TCF12: variants seen among roughly 807,000 people sequenced by gnomAD.
TCF12 encodes the protein DNA-binding protein HTF4.
In TCF12, 45 loss-of-function variants were observed where a neutral mutation model predicts 86.0. That is an observed-to-expected ratio of 0.52 (90% CI 0.41 to 0.67). The LOEUF is 0.67. Among genes scored for constraint, TCF12 ranks in the 30% least tolerant of loss-of-function variants. The probability of loss-of-function intolerance (pLI) is 0.00; values close to 1 mark genes in which losing one functional copy is unlikely to be tolerated. For synonymous variants in TCF12, 330 were observed against 299.6 expected (o/e 1.10, Z -1.05); for missense variants, 881 against 859.9 (o/e 1.02, Z -0.31).
intron 3 of TCF12, among the ~76,000 whole-genome samples, chr15:56,933,950 A>T (rs1234334251): frequency 6.6e-6 from 1 of 151,962 alleles, no homozygotes; most frequent in Admixed American, 6.6e-5. Flanking sequence ...TAATATTTGT[A>T]TATAATTCAT....
At chr15:56,958,676 AGAGTGTGTGTGTGTGT>A (rs769580381) in intron 3 of TCF12, among the ~76,000 whole-genome samples, 28 of 92,398 alleles carry the variant, frequency 3.0e-4, no homozygotes, top group Non-Finnish European at 5.1e-4. Flanking sequence ...AGAGAGAGAG[AGAGTGTGTGTGTGTGT>A]GTGTGTGTGT....
In TCF12 at chr15:56,999,560, T is replaced by A. The variant is rs796928490; in HGVS notation, c.149-64190T>A. ...CTCACCTAAGATGAAACAGATGATC[T>A]TGTATAGTCTTTTAACTATTAAGTT... On this transcript the variant is annotated intron_variant, in intron 3 of 20. Coordinates refer to ENST00000333725, the MANE Select transcript of TCF12 (RefSeq NM_207037.2). 4.6e-5 allele frequency among the ~76,000 whole-genome samples: 7 copies of A among 152,190 alleles called. 1 individual carries two copies. Among genetic ancestry groups the A allele is most frequent in the African/African-American group, 1.7e-4 (7 of 41,542 alleles).
chr15:57,002,315 A>G (rs1398803815), intron 3 of TCF12, among the ~76,000 whole-genome samples: 1 of 152,222 alleles, frequency 6.6e-6, no homozygotes, highest in African/African-American at 2.4e-5. Context: ...TGAGAACACA[A>G]AGGAATAACC....
At chr15:57,168,447 A>G (rs1460791651) in intron 6 of TCF12, among the ~76,000 whole-genome samples, 3 of 152,224 alleles carry the variant, frequency 2.0e-5, no homozygotes, top group Non-Finnish European at 4.4e-5. Context: ...TACACAATTT[A>G]TTCTGTATAG....
chr15:57,282,328 A>G (rs1387298086), intron 19 of TCF12, 117 bp from the exon 20 acceptor site: 38 of 1,217,038 alleles, frequency 3.1e-5, no homozygotes, highest in East Asian at 1.9e-4. Flanking sequence ...TGTTTCTTCT[A>G]TGTGATGGTA....
intron 5 of TCF12, among the ~76,000 whole-genome samples, chr15:57,103,446 G>A (rs1370860406): frequency 6.6e-6 from 1 of 152,136 alleles, no homozygotes; most frequent in Non-Finnish European, 1.5e-5. Flanking sequence ...CAGATGCAGT[G>A]GCACCTGCTG....
At chr15:57,075,835 T>TCTCTTTTCTTTCTTTCTTTCTTTCTTTC (rs778545170) in intron 4 of TCF12, among the ~76,000 whole-genome samples, 6 of 49,992 alleles carry the variant, frequency 1.2e-4, no homozygotes, top group East Asian at 1.9e-3. Flanking sequence ...TCTCTCTCTC[T>TCTCTTTTCTTTCTTTCTTTCTTTCTTTC]TTTCTTTCTT....
intron 5 of TCF12, among the ~76,000 whole-genome samples, chr15:57,092,365 C>A (rs1167649138): frequency 6.6e-6 from 1 of 152,142 alleles, no homozygotes; most frequent in East Asian, 1.9e-4. Flanking sequence ...TTGTTTTAAG[C>A]ACTTGGCTTC....
chr15:57,072,135 C>T (rs569442120), intron 4 of TCF12, among the ~76,000 whole-genome samples: 20 of 152,004 alleles, frequency 1.3e-4, no homozygotes, highest in East Asian at 9.7e-4. Flanking sequence ...CATGGACCCA[C>T]GGATAATGAA....
chr15:57,197,825 T>C lies in TCF12; in HGVS notation c.579T>C (p.Ser193=). 2 of 1,613,950 alleles carry C rather than the reference T, an allele frequency of 1.2e-6. No homozygotes were observed. Among genetic ancestry groups the C allele is most frequent in the Non-Finnish European group, 1.7e-6 (2 of 1,179,944 alleles). ...AGGTGCCTCCTGGTTTGCCTTCTTC[T>C]GTAAGTACCTATCTTTTTTTAACTT... ...VRKVPPGLPS[S]VYAPSPNSDD... Residue 193 remains serine (S), a splice_region_variant and synonymous_variant, in exon 8 of 21, where the codon TCT becomes TCC. Transcript: ENST00000333725.
chr15:57,007,776 TTC>T (rs2064487691), intron 3 of TCF12, among the ~76,000 whole-genome samples: 3 of 72,698 alleles, frequency 4.1e-5, no homozygotes, highest in South Asian at 5.1e-4. Flanking sequence ...CTTTCTTTCT[TTC>T]TTTCTTTCTT....
At chr15:57,005,344 C>T (rs569925796) in intron 3 of TCF12, among the ~76,000 whole-genome samples, 7 of 152,164 alleles carry the variant, frequency 4.6e-5, no homozygotes, top group African/African-American at 1.2e-4. Flanking sequence ...AAACACTGCA[C>T]GTGTTTCCTA....
At chr15:57,003,301 C>A (rs1201577693) in intron 3 of TCF12, among the ~76,000 whole-genome samples, 1 of 152,148 alleles carries the variant, frequency 6.6e-6, no homozygotes, top group Non-Finnish European at 1.5e-5. Context: ...AGCATCTGGT[C>A]ACAGCATTTT....
At chr15:57,153,202 G>A (rs899081852) in intron 5 of TCF12, among the ~76,000 whole-genome samples, 3 of 152,126 alleles carry the variant, frequency 2.0e-5, no homozygotes, top group South Asian at 2.1e-4. Context: ...CAAGCAGGGG[G>A]AATGTCACTC....
chr15:57,273,222 A>G lies in TCF12; in HGVS notation c.1938A>G (p.Gln646=). The change falls in exon 19 of 21, where the codon CAA becomes CAG. Residue 646 remains glutamine (Q), a synonymous_variant. Coordinates refer to ENST00000333725, the MANE Select transcript of TCF12 (RefSeq NM_207037.2). ...KPQTKLLILH[Q]AVAVILSLEQ... is the part of the protein sequence containing the mutation. ...AAACAAAACTCCTTATTCTTCATCA[A>G]GCCGTGGCAGTCATCCTTAGTCTAG... 1 of 1,614,156 alleles carries G rather than the reference A, an allele frequency of 6.2e-7. No individual in the cohort carries two copies. The highest frequency in any genetic ancestry group is 8.5e-7 in the Non-Finnish European group (1 of 1,180,016).
intron 3 of TCF12, among the ~76,000 whole-genome samples, chr15:56,942,387 A>G (rs554458469): frequency 5.3e-5 from 8 of 152,322 alleles, no homozygotes; most frequent in East Asian, 1.9e-4. Context: ...TTCATTGACT[A>G]TCTCATTGAT....
At chr15:57,151,009 C>T (rs1338358130) in intron 5 of TCF12, among the ~76,000 whole-genome samples, 1 of 150,542 alleles carries the variant, frequency 6.6e-6, no homozygotes, top group Non-Finnish European at 1.5e-5. Flanking sequence ...AGGCAGGTCT[C>T]TCTCTGTTAC....
intron 8 of TCF12, among the ~76,000 whole-genome samples, chr15:57,221,398 G>GTGTGTGTGTGTGTGTGTGTGCA (rs1259852532): frequency 1.1e-4 from 16 of 151,598 alleles, no homozygotes; most frequent in Admixed American, 2.6e-4. Context: ...GTGTGTGTGT[G>GTGTGTGTGTGTGTGTGTGTGCA]TGTGTGTGTG....
intron 10 of TCF12, 135 bp from the exon 11 acceptor site, chr15:57,232,577 A>C (rs2059186277): frequency 2.1e-6 from 3 of 1,449,080 alleles, no homozygotes; most frequent in Non-Finnish European, 1.9e-6. Flanking sequence ...GCCTTTCTAA[A>C]AAATAAATGA....
Sources: gnomAD v4.1 joint callset for allele counts (sites outside exome capture counted in the v4.1 genomes callset) on GRCh38, gnomAD v4.1.1 for gene constraint, MANE v1.5 for transcripts, NCBI Gene and HGNC (gene_info 2026-07-23, HGNC 2026-07-21) for gene names.